SLC3A1: variants seen among roughly 807,000 people sequenced by gnomAD.
SLC3A1 encodes amino acid transporter heavy chain SLC3A1.
In SLC3A1, 78 loss-of-function variants were observed where a neutral mutation model predicts 60.3. That is an observed-to-expected ratio of 1.29 (90% CI 1.08 to 1.56). The LOEUF is 1.56. SLC3A1 is among the 40% of genes most tolerant of loss of function. The probability of loss-of-function intolerance (pLI) is 0.00; values close to 1 mark genes in which losing one functional copy is unlikely to be tolerated. For missense variants in SLC3A1, 1,172 were observed against 858.9 expected, an observed-to-expected ratio of 1.36 and a Z score of -4.56; for synonymous variants, 392 against 307.9, an observed-to-expected ratio of 1.27 and a Z score of -2.86.
intron 7 of SLC3A1, among the ~76,000 whole-genome samples, chr2:44,309,115 TTAAA>T (rs1175567921): frequency 6.6e-6 from 1 of 152,170 alleles, no homozygotes; most frequent in Non-Finnish European, 1.5e-5. Context: ...ATTCAATGCA[TTAAA>T]TACATTCAAA....
At chr2:44,309,281 G>A (rs1210063606) in intron 7 of SLC3A1, among the ~76,000 whole-genome samples, 7 of 152,014 alleles carry the variant, frequency 4.6e-5, no homozygotes, top group Non-Finnish European at 8.8e-5. Flanking sequence ...GCCTATTCTA[G>A]GTACCTCATA....
At position 44,304,267 on chromosome 2, in the gene SLC3A1, G is replaced by C; in HGVS notation, c.1261G>C (p.Gly421Arg). The change falls in exon 7 of 10, where the codon GGG (glycine) becomes CGG (arginine). Residue 421 changes from glycine to arginine, a missense_variant. Physicochemically the swap from Gly to Arg is moderately radical, Grantham distance 125. Transcript: ENST00000260649. ...CCTCAGCATGCTAGACACTGTTTCTGGGAACAGCGTGTATGAGGTTATCAC... is the reference window on the plus strand; with the variant it reads ...CCTCAGCATGCTAGACACTGTTTCTCGGAACAGCGTGTATGAGGTTATCAC... ...NYLSMLDTVS[G>R]NSVYEVITSW... The C allele has an allele frequency of 6.2e-7, 1 of 1,614,108 alleles. No homozygotes were observed. The highest frequency in any genetic ancestry group is 8.5e-7 in the Non-Finnish European group (1 of 1,179,996).
At chr2:44,300,140 T>A in intron 5 of SLC3A1, 50 bp downstream of exon 5, 1 of 1,595,604 alleles carries the variant, frequency 6.3e-7, no homozygotes, top group Non-Finnish European at 8.6e-7. Flanking sequence ...GAAAATGTCA[T>A]CAGAGTGTTT....
intron 7 of SLC3A1, among the ~76,000 whole-genome samples, chr2:44,306,476 G>C (rs1290137668): frequency 1.3e-5 from 2 of 149,106 alleles, no homozygotes; most frequent in Non-Finnish European, 1.5e-5. Context: ...GCTTTAATTT[G>C]TTAAATGTAA....
intron 4 of SLC3A1, among the ~76,000 whole-genome samples, chr2:44,286,993 C>G (rs1434114875): frequency 1.3e-5 from 2 of 152,110 alleles, no homozygotes; most frequent in Non-Finnish European, 2.9e-5. Flanking sequence ...CAATATTTGT[C>G]TCATAGGGCT....
At position 44,321,400 on chromosome 2, in the gene SLC3A1, T is replaced by C. The variant is rs1672926832; in HGVS notation, c.*761T>C. ...TTAAGATCCTCGAAAACACTGGTGC[T>C]GTCAAGTCCAAGTTCCTCGTACAGG... On this transcript the variant is annotated 3_prime_UTR_variant, in exon 10 of 10. Transcript: ENST00000260649. 6.2e-7 allele frequency: 1 copy of C among 1,613,194 alleles called. No individual in the cohort carries two copies. Among genetic ancestry groups the C allele is most frequent in the Non-Finnish European group, 8.5e-7 (1 of 1,179,246 alleles).
At chr2:44,296,778 C>A (rs1298032971) in intron 4 of SLC3A1, among the ~76,000 whole-genome samples, 3 of 152,174 alleles carry the variant, frequency 2.0e-5, no homozygotes, top group Admixed American at 6.6e-5. Context: ...AATTGTAATT[C>A]TCATAATCCC....
Position 44,320,405 on chromosome 2 carries a change from T to G in SLC3A1, c.1824T>G (p.His608Gln). The change falls in exon 10 of 10, where the codon CAT (histidine) becomes CAG (glutamine). Residue 608 changes from histidine (H) to glutamine (Q), a missense_variant. Transcript: ENST00000260649. ...NFGESTLLNLHNMISGLPAKM... is the reference protein window; with the variant it reads ...NFGESTLLNLQNMISGLPAKM... ...GAGAATCAACACTGTTAAATCTACA[T>G]AATATGATTTCGGGCCTTCCCGCTA... The G allele has an allele frequency of 6.2e-7, 1 of 1,614,046 alleles. No individual in the cohort carries two copies. The highest frequency in any genetic ancestry group is 8.5e-7 in the Non-Finnish European group (1 of 1,179,900).
chr2:44,320,603 T>C lies in SLC3A1; in HGVS notation c.2022T>C (p.Tyr674=), dbSNP rs376270408. The C allele has an allele frequency of 1.4e-4, 233 of 1,613,918 alleles. No homozygotes were observed. The highest frequency in any genetic ancestry group is 2.3e-4 in the Admixed American group (14 of 59,998). ...DRCFVSNRAC[Y]SSVLNILYTS... ...GCTTTGTTTCCAATCGAGCATGCTA[T>C]TCCAGTGTACTGAACATACTGTATA... The change falls in exon 10 of 10, where the codon TAT becomes TAC. Residue 674 remains tyrosine, a synonymous_variant. Transcript: ENST00000260649.
At chr2:44,282,056 G>A (rs1342321291) in intron 3 of SLC3A1, among the ~76,000 whole-genome samples, 1 of 152,008 alleles carries the variant, frequency 6.6e-6, no homozygotes, top group Non-Finnish European at 1.5e-5. Flanking sequence ...ATTTTTAGTA[G>A]AGGTAGGGTT....
rs1453622040 is a variant in SLC3A1, at chr2:44,320,599, G to C, written c.2018G>C (p.Cys673Ser). The change falls in exon 10 of 10, where the codon TGC (cysteine) becomes TCC (serine). Residue 673 changes from cysteine (C) to serine (S), a missense_variant. By Grantham distance (112) the Cys-to-Ser change is moderately radical. Transcript: ENST00000260649. The stretch of plus-strand genomic sequence containing the variant: ...AGATGCTTTGTTTCCAATCGAGCAT[G>C]CTATTCCAGTGTACTGAACATACTG... The part of the protein sequence containing the change: ...RDRCFVSNRA[C>S]YSSVLNILYT... 6.2e-7 allele frequency: 1 copy of C among 1,613,988 alleles called. No individual in the cohort carries two copies. The highest frequency in any genetic ancestry group is 2.2e-5 in the East Asian group (1 of 44,872).
At chr2:44,287,558 A>T (rs1288282511) in intron 4 of SLC3A1, among the ~76,000 whole-genome samples, 4 of 152,220 alleles carry the variant, frequency 2.6e-5, no homozygotes, top group Admixed American at 2.6e-4. Flanking sequence ...GATTACCTGA[A>T]ATTGAAATGT....
chr2:44,306,880 A>G (rs977844434), intron 7 of SLC3A1, among the ~76,000 whole-genome samples: 2 of 152,284 alleles, frequency 1.3e-5, no homozygotes, highest in African/African-American at 4.8e-5. Flanking sequence ...ATTAAAGTAT[A>G]TAATTAAGTG....
chr2:44,279,126 G>C (rs1298745695), intron 1 of SLC3A1, among the ~76,000 whole-genome samples: 1 of 151,946 alleles, frequency 6.6e-6, no homozygotes, highest in Non-Finnish European at 1.5e-5. Context: ...AGCCTCCCGA[G>C]TAGCTGGGAT....
rs781005053 is a variant in SLC3A1, at chr2:44,301,431, A to AT, written c.1136+310dup. On this transcript the variant is annotated intron_variant, in intron 6 of 9. Transcript: ENST00000260649. Reference sequence around the variant, plus strand: ...AGCTAAATGTTAGCCATGAGCTATTATTTTTTCTTTTTCAAAAACCAGTTC... The same window carrying AT: ...AGCTAAATGTTAGCCATGAGCTATTATTTTTTTCTTTTTCAAAAACCAGTTC... 34 of 579,242 alleles carry AT rather than the reference A, an allele frequency of 5.9e-5. 1 individual carries two copies. Among genetic ancestry groups the AT allele is most frequent in the Non-Finnish European group, 9.5e-5 (31 of 325,950 alleles). The allele number at this position is 579,242 out of a possible 1,614,324, so 35.9% of individuals were successfully genotyped here.
intron 3 of SLC3A1, among the ~76,000 whole-genome samples, chr2:44,284,287 C>T (rs1671562556): frequency 6.6e-6 from 1 of 152,098 alleles, no homozygotes; most frequent in Non-Finnish European, 1.5e-5. Flanking sequence ...ACCATATTGG[C>T]CAGGCTGGTC....
chr2:44,284,731 G>T (rs1671576517), intron 3 of SLC3A1, among the ~76,000 whole-genome samples: 1 of 151,778 alleles, frequency 6.6e-6, no homozygotes, highest in South Asian at 2.1e-4. Flanking sequence ...GTGTGGCTGA[G>T]TTTTTTTATT....
intron 3 of SLC3A1, among the ~76,000 whole-genome samples, chr2:44,284,120 C>G (rs1349163215): frequency 6.6e-6 from 1 of 152,146 alleles, no homozygotes; most frequent in African/African-American, 2.4e-5. Context: ...TGCTCTGTCG[C>G]CCAGGCTGGA....
chr2:44,299,819 T>C (rs1671957275), intron 4 of SLC3A1, 152 bp from the exon 5 acceptor site: 1 of 809,742 alleles, frequency 1.2e-6, no homozygotes. Context: ...ACAGTTATGC[T>C]AAATAGATAA....
Sources: gnomAD v4.1 joint callset for allele counts (sites outside exome capture counted in the v4.1 genomes callset) on GRCh38, gnomAD v4.1.1 for gene constraint, MANE v1.5 for transcripts, NCBI Gene and HGNC (gene_info 2026-07-23, HGNC 2026-07-21) for gene names.